The following KHDRBS2 variants were observed in gnomAD, a reference collection of about 807,000 sequenced individuals.
The protein encoded by KHDRBS2 is KH RNA binding domain containing, signal transduction associated 2, also known as KH domain-containing, RNA-binding, signal transduction-associated protein 2.
In KHDRBS2, 26 loss-of-function variants were observed where a neutral mutation model predicts 44.3. That is an observed-to-expected ratio of 0.59 (90% CI 0.43 to 0.81). The LOEUF is 0.81. Among genes scored for constraint, KHDRBS2 ranks in the 40% least tolerant of loss-of-function variants. The pLI is 0.00. For synonymous variants in KHDRBS2, 194 were observed against 151.1 expected, an observed-to-expected ratio of 1.28 and a Z score of -2.08; for missense variants, 476 against 433.1, an observed-to-expected ratio of 1.10 and a Z score of -0.88.
At chr6:61,718,228 C>T (rs1189147136) in intron 7 of KHDRBS2, among the ~76,000 whole-genome samples, 1 of 151,974 alleles carries the variant, frequency 6.6e-6, no homozygotes. Flanking sequence ...TAGGCTCTGA[C>T]CCTTGAGGAG....
At chr6:61,637,680 T>A in the KHDRBS2 span, among the ~76,000 whole-genome samples, 1 of 152,152 alleles carries the variant, frequency 6.6e-6, no homozygotes, top group Non-Finnish European at 1.5e-5. Flanking sequence ...TTTCTCCAAA[T>A]CCTCTCCAGC....
At chr6:62,029,496 A>C (rs541317812) in intron 3 of KHDRBS2, among the ~76,000 whole-genome samples, 1 of 152,104 alleles carries the variant, frequency 6.6e-6, no homozygotes, top group South Asian at 2.1e-4. Context: ...ATTTATGAAT[A>C]AGTAACATTA....
At chr6:62,109,829 A>G (rs1804586012) in intron 2 of KHDRBS2, among the ~76,000 whole-genome samples, 1 of 151,872 alleles carries the variant, frequency 6.6e-6, no homozygotes, top group African/African-American at 2.4e-5. Context: ...AAGGAAAGGA[A>G]AAATAAAAAT....
chr6:62,181,776 A>G (rs929914019), intron 1 of KHDRBS2, among the ~76,000 whole-genome samples: 1 of 151,972 alleles, frequency 6.6e-6, no homozygotes, highest in South Asian at 2.1e-4. Flanking sequence ...ATTTCATGAG[A>G]ATGGAACCCT....
intron 6 of KHDRBS2, among the ~76,000 whole-genome samples, chr6:61,889,545 T>G (rs1311879140): frequency 1.4e-5 from 2 of 142,442 alleles, no homozygotes; most frequent in African/African-American, 5.2e-5. Context: ...AGATGATTTT[T>G]GCAGTACACT....
chr6:61,944,444 A>G (rs1276828449), intron 4 of KHDRBS2, among the ~76,000 whole-genome samples: 4 of 141,982 alleles, frequency 2.8e-5, no homozygotes, highest in East Asian at 2.0e-4. Flanking sequence ...TGTGCAAGGT[A>G]AAAAAAAAAA....
At chr6:62,030,334 A>G (rs1784122386) in intron 3 of KHDRBS2, among the ~76,000 whole-genome samples, 1 of 152,032 alleles carries the variant, frequency 6.6e-6, no homozygotes, top group Non-Finnish European at 1.5e-5. Flanking sequence ...AGAAGGTTAA[A>G]TTTTCCTCTT....
At chr6:61,755,296 T>C (rs1348152624) in intron 6 of KHDRBS2, among the ~76,000 whole-genome samples, 1 of 152,148 alleles carries the variant, frequency 6.6e-6, no homozygotes, top group Non-Finnish European at 1.5e-5. Context: ...TACTGAGCAT[T>C]GGTAAGTTCT....
At chr6:62,087,831 A>G (rs1798694718) in intron 2 of KHDRBS2, among the ~76,000 whole-genome samples, 1 of 152,140 alleles carries the variant, frequency 6.6e-6, no homozygotes, top group Admixed American at 6.5e-5. Context: ...AGGTACACCA[A>G]TCAAATGTAG....
intron 2 of KHDRBS2, among the ~76,000 whole-genome samples, chr6:62,057,546 A>G (rs1042776174): frequency 6.6e-6 from 1 of 151,946 alleles, no homozygotes; most frequent in Non-Finnish European, 1.5e-5. Context: ...CAGGTGAATT[A>G]TCAGTTCACA....
At chr6:62,097,493 C>A (rs1323291850) in intron 2 of KHDRBS2, among the ~76,000 whole-genome samples, 2 of 151,906 alleles carry the variant, frequency 1.3e-5, no homozygotes, top group African/African-American at 4.8e-5. Context: ...GACCTTGTCT[C>A]TTTTTACAGT....
chr6:62,196,911 C>G (rs574075990), intron 1 of KHDRBS2, among the ~76,000 whole-genome samples: 43 of 152,118 alleles, frequency 2.8e-4, no homozygotes, highest in African/African-American at 9.6e-4. Context: ...ATAGGAAGCG[C>G]CCATAAAGCA....
intron 4 of KHDRBS2, among the ~76,000 whole-genome samples, chr6:61,914,459 T>G (rs1022255802): frequency 2.3e-5 from 3 of 131,626 alleles, no homozygotes; most frequent in Admixed American, 1.9e-4. Flanking sequence ...AACTGAACAA[T>G]GAGAACACAT....
intron 2 of KHDRBS2, among the ~76,000 whole-genome samples, chr6:62,149,839 C>A (rs1261917634): frequency 2.6e-5 from 4 of 152,170 alleles, no homozygotes; most frequent in Non-Finnish European, 5.9e-5. Context: ...AGCATTTCAT[C>A]AGCATAGGCC....
chr6:62,159,845 T>C (rs750827615), intron 2 of KHDRBS2, among the ~76,000 whole-genome samples: 9 of 152,090 alleles, frequency 5.9e-5, no homozygotes, highest in Non-Finnish European at 1.3e-4. Flanking sequence ...AAGTGAATCA[T>C]CATAAAAGTC....
chr6:62,124,028 T>C (rs1303921179), intron 2 of KHDRBS2, among the ~76,000 whole-genome samples: 1 of 152,228 alleles, frequency 6.6e-6, no homozygotes, highest in East Asian at 1.9e-4. Flanking sequence ...ATGTTTAAAC[T>C]GCTTTGGCAA....
intron 2 of KHDRBS2, among the ~76,000 whole-genome samples, chr6:62,125,105 C>A (rs546306930): frequency 6.6e-6 from 1 of 152,246 alleles, no homozygotes; most frequent in East Asian, 1.9e-4. Context: ...CTGAAAGAGG[C>A]ACTGAAGAGG....
chr6:61,991,965 G>T (rs1290957051), intron 3 of KHDRBS2, among the ~76,000 whole-genome samples: 2 of 152,174 alleles, frequency 1.3e-5, no homozygotes, highest in Non-Finnish European at 2.9e-5. Flanking sequence ...TTGGACAGAT[G>T]CATTATGCTG....
chr6:62,034,708 A>AAC (rs979350989), intron 3 of KHDRBS2, among the ~76,000 whole-genome samples: 1 of 151,138 alleles, frequency 6.6e-6, no homozygotes, highest in South Asian at 2.1e-4. Context: ...AAAAAAAAAA[A>AAC]AAAAAAAACC....
Sources: allele counts gnomAD v4.1 joint callset (sites outside exome capture counted in the v4.1 genomes callset), GRCh38; gene constraint gnomAD v4.1.1; transcripts MANE v1.5; gene names NCBI Gene and HGNC (gene_info 2026-07-23, HGNC 2026-07-21).